EPHA5: variants seen among roughly 807,000 people sequenced by gnomAD.
EPHA5 encodes the protein ephrin type-A receptor 5.
Under a neutral mutation model 105.0 loss-of-function variants are expected in EPHA5, and 60 were observed. That is an observed-to-expected ratio of 0.57 (90% CI 0.46 to 0.71). The LOEUF (loss-of-function observed/expected upper bound fraction) is 0.71. Ranked by LOEUF, EPHA5 falls within the 30% of genes least tolerant of loss-of-function variation. The pLI, the probability that EPHA5 is intolerant of heterozygous loss-of-function variation, is 0.00. For synonymous variants in EPHA5, 513 were observed against 449.1 expected, an observed-to-expected ratio of 1.14 and a Z score of -1.80; for missense variants, 1,218 against 1,274.7, an observed-to-expected ratio of 0.96 and a Z score of 0.68.
At chr4:65,367,277 C>G in intron 9 of EPHA5, 80 bp downstream of exon 9, 1 of 1,201,944 alleles carries the variant, frequency 8.3e-7, no homozygotes, top group Non-Finnish European at 1.2e-6. Flanking sequence ...TATTATAAAT[C>G]TTGTAGCCTG....
chr4:65,524,017 G>T (rs1363050901), intron 3 of EPHA5, among the ~76,000 whole-genome samples: 1 of 151,804 alleles, frequency 6.6e-6, no homozygotes, highest in Non-Finnish European at 1.5e-5. Flanking sequence ...GAACGACTTG[G>T]TCTCTCCTTC....
intron 5 of EPHA5, among the ~76,000 whole-genome samples, chr4:65,449,798 G>A (rs1019556254): frequency 6.6e-6 from 1 of 152,066 alleles, no homozygotes; most frequent in African/African-American, 2.4e-5. Context: ...GTATCACACA[G>A]GTACCCTTTT....
intron 14 of EPHA5, among the ~76,000 whole-genome samples, chr4:65,339,371 T>C (rs562014784): frequency 6.6e-6 from 1 of 152,180 alleles, no homozygotes; most frequent in African/African-American, 2.4e-5. Flanking sequence ...AGAGTATGCC[T>C]TTTGCAGTAA....
chr4:65,557,233 G>GATATATATATATACAT (rs1738540023), intron 3 of EPHA5, among the ~76,000 whole-genome samples: 2 of 90,944 alleles, frequency 2.2e-5, no homozygotes, highest in Non-Finnish European at 4.2e-5. Flanking sequence ...TTTATACTGG[G>GATATATATATATACAT]ATATATATAT....
chr4:65,352,049 G>C (rs946186887), intron 12 of EPHA5, among the ~76,000 whole-genome samples: 2 of 151,990 alleles, frequency 1.3e-5, no homozygotes, highest in African/African-American at 4.8e-5. Flanking sequence ...TGACTGAGCA[G>C]TGATCAGGTC....
intron 3 of EPHA5, among the ~76,000 whole-genome samples, chr4:65,546,116 C>G (rs910713208): frequency 2.0e-4 from 30 of 151,906 alleles, no homozygotes; most frequent in African/African-American, 6.3e-4. Flanking sequence ...GACCTCTGTT[C>G]CAAAGAACCA....
intron 2 of EPHA5, among the ~76,000 whole-genome samples, chr4:65,611,634 T>C (rs1426660623): frequency 6.6e-6 from 1 of 152,106 alleles, no homozygotes; most frequent in Non-Finnish European, 1.5e-5. Flanking sequence ...CTGTGCTCTC[T>C]GTTCTTTTTT....
chr4:65,647,420 T>C (rs776558945), intron 1 of EPHA5, among the ~76,000 whole-genome samples: 1 of 151,664 alleles, frequency 6.6e-6, no homozygotes, highest in Non-Finnish European at 1.5e-5. Context: ...ACCAAATTTA[T>C]TAAAAAGAGG....
chr4:65,440,528 A>ACACACC lies in EPHA5; in HGVS notation c.1403-19964_1403-19963insGGTGTG, dbSNP rs1553916611. Among the ~76,000 whole-genome samples the ACACACC allele has an allele frequency of 2.1e-3, 313 of 151,808 alleles. 2 individuals carry two copies. Among genetic ancestry groups the ACACACC allele is most frequent in the African/African-American group, 6.8e-3 (282 of 41,442 alleles). Reference sequence around the variant, plus strand: ...CACACACACACACACACACACACACACACACAGAGGGAGGAATTTTCTAAT... The same window carrying ACACACC: ...CACACACACACACACACACACACACACACACCCACACAGAGGGAGGAATTTTCTAAT... On this transcript the variant is annotated intron_variant, in intron 5 of 16. Transcript: ENST00000613740.
At chr4:65,607,688 G>A (rs369488042) in intron 2 of EPHA5, among the ~76,000 whole-genome samples, 72 of 152,326 alleles carry the variant, frequency 4.7e-4, no homozygotes, top group African/African-American at 1.7e-3. Flanking sequence ...AACCACAGAT[G>A]CTGGAGAGGG....
At chr4:65,403,629 C>G (rs954389759) in intron 8 of EPHA5, among the ~76,000 whole-genome samples, 1 of 151,776 alleles carries the variant, frequency 6.6e-6, no homozygotes, top group Non-Finnish European at 1.5e-5. Context: ...TTTTATTCTA[C>G]TTTATTGCAT....
intron 3 of EPHA5, among the ~76,000 whole-genome samples, chr4:65,520,219 T>C (rs1279936141): frequency 1.3e-5 from 2 of 151,882 alleles, no homozygotes; most frequent in East Asian, 1.9e-4. Context: ...TCAGAAATAA[T>C]ACCACACATC....
intron 3 of EPHA5, among the ~76,000 whole-genome samples, chr4:65,526,272 A>G (rs1735220330): frequency 6.6e-6 from 1 of 151,872 alleles, no homozygotes; most frequent in Admixed American, 6.6e-5. Context: ...TGACTATGCC[A>G]AATACCAGGA....
chr4:65,605,713 C>A (rs1447083915), intron 2 of EPHA5, among the ~76,000 whole-genome samples: 1 of 151,262 alleles, frequency 6.6e-6, no homozygotes, highest in Non-Finnish European at 1.5e-5. Flanking sequence ...GAGTAGACAT[C>A]TGAAAAAAAA....
At chr4:65,565,512 A>G (rs1379895577) in intron 3 of EPHA5, among the ~76,000 whole-genome samples, 1 of 151,708 alleles carries the variant, frequency 6.6e-6, no homozygotes, top group African/African-American at 2.4e-5. Flanking sequence ...GCTTGTACTC[A>G]AATTTATTTT....
chr4:65,404,766 C>G (rs1175881739), intron 7 of EPHA5, among the ~76,000 whole-genome samples: 4 of 152,116 alleles, frequency 2.6e-5, no homozygotes, highest in Admixed American at 2.6e-4. Flanking sequence ...CATCTAGGGG[C>G]CTTAGGTCTG....
intron 8 of EPHA5, among the ~76,000 whole-genome samples, chr4:65,401,559 A>G (rs531810037): frequency 7.2e-5 from 11 of 152,270 alleles, no homozygotes; most frequent in African/African-American, 2.4e-4. Flanking sequence ...CTAAAAAACT[A>G]TAAGCCTCAG....
chr4:65,619,489 C>T (rs1745526396), intron 2 of EPHA5, among the ~76,000 whole-genome samples: 1 of 151,938 alleles, frequency 6.6e-6, no homozygotes, highest in Non-Finnish European at 1.5e-5. Context: ...AATCAGTAAC[C>T]ATAAGGAATA....
At chr4:65,349,603 G>C (rs1388957097) in intron 13 of EPHA5, among the ~76,000 whole-genome samples, 5 of 152,020 alleles carry the variant, frequency 3.3e-5, no homozygotes, top group Admixed American at 2.0e-4. Context: ...TTAAATTGCT[G>C]TTTATGAACC....
Sources: gnomAD v4.1 joint callset for allele counts (sites outside exome capture counted in the v4.1 genomes callset) on GRCh38, gnomAD v4.1.1 for gene constraint, MANE v1.5 for transcripts, NCBI Gene and HGNC (gene_info 2026-07-23, HGNC 2026-07-21) for gene names.